The following SLC25A27 variants were observed in gnomAD, a reference collection of about 807,000 sequenced individuals.
The protein encoded by SLC25A27 is mitochondrial uncoupling protein 4.
Under a neutral mutation model 49.1 loss-of-function variants are expected in SLC25A27, and 35 were observed. The observed-to-expected ratio is 0.71, with a 90% CI of 0.54 to 0.95. The LOEUF is 0.95. Among genes scored for constraint, SLC25A27 ranks in the 40% least tolerant of loss-of-function variants. The pLI, the probability that SLC25A27 is intolerant of heterozygous loss-of-function variation, is 0.00. For synonymous variants in SLC25A27, 144 were observed against 136.9 expected, an observed-to-expected ratio of 1.05 and a Z score of -0.36; for missense variants, 339 against 397.1, an observed-to-expected ratio of 0.85 and a Z score of 1.24.
At chr6:46,665,956 A>T (rs1212300981) in intron 5 of SLC25A27, among the ~76,000 whole-genome samples, 1 of 152,240 alleles carries the variant, frequency 6.6e-6, no homozygotes, top group Non-Finnish European at 1.5e-5. Flanking sequence ...AATGTGACTT[A>T]GAAGATCTGC....
rs141838894 is a variant in SLC25A27 at position 46,667,097 on chromosome 6, T to C, written c.620-1612T>C. ...GCCTTTGAAACTGATTTTATCAAGA[T>C]TACCTTTGCTACTACCTTATTTTTT... On this transcript the variant is annotated intron_variant, in intron 5 of 8. Transcript: ENST00000371347. 5.9e-5 allele frequency among the ~76,000 whole-genome samples: 9 copies of C among 152,312 alleles called. No homozygotes were observed. The East Asian group carries it at 1.7e-3, about 29-fold the overall frequency.
Position 46,676,491 on chromosome 6 carries a change from AGTATTATTGAAATATG to A in SLC25A27, c.*39_*54del. 1 of 1,612,274 alleles carries A rather than the reference AGTATTATTGAAATATG, an allele frequency of 6.2e-7. No individual in the cohort carries two copies. The highest frequency in any genetic ancestry group is 8.5e-7 in the Non-Finnish European group (1 of 1,178,696). ...TGCAACCCTTAAAGATACAGTGTTC[AGTATTATTGAAATATG>A]GGCATCTGCAACACATACCCCCTAT... On this transcript the variant is annotated 3_prime_UTR_variant, in exon 9 of 9. Coordinates refer to ENST00000371347, the MANE Select transcript of SLC25A27 (RefSeq NM_004277.5).
chr6:46,664,920 T>A, intron 5 of SLC25A27, 34 bp downstream of exon 5: 1 of 1,084,180 alleles, frequency 9.2e-7, no homozygotes, highest in Non-Finnish European at 1.4e-6. Flanking sequence ...TAAAAAGTCC[T>A]AATTGCCTTA....
At chr6:46,674,428 T>A (rs1445555517) in intron 8 of SLC25A27, among the ~76,000 whole-genome samples, 1 of 152,086 alleles carries the variant, frequency 6.6e-6, no homozygotes, top group East Asian at 1.9e-4. Context: ...ATATACTGAT[T>A]TGCTCAACAT....
chr6:46,664,899 T>C lies in SLC25A27; in HGVS notation c.619+13T>C. On this transcript the variant is annotated intron_variant, in intron 5 of 8. Transcript: ENST00000371347. ...GTGAATATGGGAGGTAATGAAAACT[T>C]TGTTAAATTCTAAAAAGTCCTAATT... 1 of 1,449,276 alleles carries C rather than the reference T, an allele frequency of 6.9e-7. No individual in the cohort carries two copies. Among genetic ancestry groups the C allele is most frequent in the South Asian group, 1.3e-5 (1 of 77,040 alleles). The allele number at this position is 1,449,276 out of a possible 1,614,324, so 89.8% of individuals were successfully genotyped here. A position where few individuals can be genotyped will look rare whatever the true frequency, so the allele number is the denominator to read the frequency against.
rs1430873585 is a variant in SLC25A27 at position 46,677,021 on chromosome 6, G to C, written c.*567G>C. ...TGAGTTTCCCTAGTGTTGAAGGAAG[G>C]TGTACTTTTTCTTGTCAGAAAGATA... On this transcript the variant is annotated 3_prime_UTR_variant, in exon 9 of 9. Coordinates refer to ENST00000371347, the MANE Select transcript of SLC25A27 (RefSeq NM_004277.5). 8.0e-6 allele frequency: 2 copies of C among 248,922 alleles called. No homozygotes were observed. The highest frequency in any genetic ancestry group is 1.1e-4 in the South Asian group (1 of 9,148). The allele number at this position is 248,922 out of a possible 1,614,324, so 15.4% of individuals were successfully genotyped here.
intron 8 of SLC25A27, among the ~76,000 whole-genome samples, chr6:46,675,107 C>T (rs1330774832): frequency 6.6e-6 from 1 of 152,150 alleles, no homozygotes; most frequent in African/African-American, 2.4e-5. Flanking sequence ...GCTATATGAT[C>T]TCCCACTCTT....
At position 46,676,834 on chromosome 6, in the gene SLC25A27, G is replaced by A. The variant is rs1029736671; in HGVS notation, c.*380G>A. ...CCAGCATTTCAGATCTGAAGTAGAC[G>A]ATAGGAATGTGGAAGAACACATACA... On this transcript the variant is annotated 3_prime_UTR_variant, in exon 9 of 9. Transcript: ENST00000371347. 20 of 678,540 alleles carry A rather than the reference G, an allele frequency of 2.9e-5. No homozygotes were observed. The Admixed American group carries it at 3.9e-4, about 13-fold the overall frequency. The allele number at this position is 678,540 out of a possible 1,614,324, so 42.0% of individuals were successfully genotyped here.
intron 5 of SLC25A27, 98 bp downstream of exon 5, chr6:46,664,984 A>G: frequency 1.8e-6 from 1 of 555,434 alleles, no homozygotes; most frequent in Non-Finnish European, 3.1e-6. Context: ...TATTTTTAAT[A>G]TATTGGTGAC....
rs759593138 is a variant in SLC25A27 at position 46,655,964 on chromosome 6, A to G, written c.228A>G (p.Leu76=). 3 of 1,613,434 alleles carry G rather than the reference A, an allele frequency of 1.9e-6. No homozygotes were observed. ...APYRGMVRTA[L]GIIEEEGFLK... ...ATAGGGGAATGGTGCGCACAGCTCTAGGGATCATTGAAGAGGAAGGCTTTC... is the reference window on the plus strand; with the variant it reads ...ATAGGGGAATGGTGCGCACAGCTCTGGGGATCATTGAAGAGGAAGGCTTTC... Residue 76 remains leucine (L), a synonymous_variant, in exon 2 of 9, where the codon CTA becomes CTG. Coordinates refer to ENST00000371347, the MANE Select transcript of SLC25A27 (RefSeq NM_004277.5).
At chr6:46,668,879 G>A in intron 6 of SLC25A27, 86 bp downstream of exon 6, 2 of 787,328 alleles carry the variant, frequency 2.5e-6, no homozygotes, top group South Asian at 3.1e-5. Context: ...AGGCTCATTT[G>A]ATTGGGATTG....
intron 3 of SLC25A27, among the ~76,000 whole-genome samples, chr6:46,660,915 A>T (rs1458946710): frequency 6.6e-6 from 1 of 152,226 alleles, no homozygotes; most frequent in African/African-American, 2.4e-5. Flanking sequence ...CAAAGGAAAT[A>T]TTATACCAGA....
Position 46,653,090 on chromosome 6 carries a change from C to G in SLC25A27, c.-103C>G. ...GAGGGAAATGGTCCTCACCCGGCCA[C>G]TCGCCGGTTGAAAAGGGGCCGCCCT... On this transcript the variant is annotated 5_prime_UTR_variant, in exon 1 of 9. Transcript: ENST00000371347. 8.9e-7 allele frequency: 1 copy of G among 1,121,664 alleles called. No individual in the cohort carries two copies. The highest frequency in any genetic ancestry group is 1.3e-6 in the Non-Finnish European group (1 of 763,690). 69.5% of individuals were successfully genotyped at this position (1,121,664 alleles called of 1,614,324 possible). A position where few individuals can be genotyped will look rare whatever the true frequency, so the allele number is the denominator to read the frequency against.
chr6:46,671,416 G>C (rs150237960), intron 8 of SLC25A27, among the ~76,000 whole-genome samples, 188 bp downstream of exon 8: 1 of 151,774 alleles, frequency 6.6e-6, no homozygotes, highest in East Asian at 1.9e-4. Context: ...GCCTTCTGTG[G>C]TAGAGTAAGG....
chr6:46,674,402 G>C (rs545929093), intron 8 of SLC25A27, among the ~76,000 whole-genome samples: 4 of 152,044 alleles, frequency 2.6e-5, no homozygotes, highest in Non-Finnish European at 4.4e-5. Flanking sequence ...AAAACCCTAC[G>C]CTCCTTACTG....
chr6:46,665,749 A>G (rs1441446155), intron 5 of SLC25A27, among the ~76,000 whole-genome samples: 1 of 152,086 alleles, frequency 6.6e-6, no homozygotes, highest in Non-Finnish European at 1.5e-5. Context: ...TAAAATGACC[A>G]TTTCTACACC....
At chr6:46,667,299 A>C in intron 5 of SLC25A27, among the ~76,000 whole-genome samples, 1 of 152,136 alleles carries the variant, frequency 6.6e-6, no homozygotes, top group East Asian at 1.9e-4. Context: ...AGGGCTCCAC[A>C]ACTCCCTAAT....
At position 46,668,700 on chromosome 6, in the gene SLC25A27, C is replaced by T. The variant is rs1562040389; in HGVS notation, c.620-9C>T. The T allele has an allele frequency of 4.5e-6, 7 of 1,549,270 alleles. No homozygotes were observed. Among genetic ancestry groups the T allele is most frequent in the Non-Finnish European group, 5.3e-6 (6 of 1,123,124 alleles). On this transcript the variant is annotated splice_polypyrimidine_tract_variant and intron_variant, in intron 5 of 8. Transcript: ENST00000371347. ...GACTGATGAATATTTAAACTTTTTCCATTGCCAGATTTAACCACTTATGAT... is the reference window on the plus strand; with the variant it reads ...GACTGATGAATATTTAAACTTTTTCTATTGCCAGATTTAACCACTTATGAT...
Position 46,676,539 on chromosome 6 carries a change from T to C in SLC25A27, c.*85T>C. ...TGCAACACATACCCCCTATTATTTC[T>C]ACCTCTTTAGGAAGACACCTATTCC... On this transcript the variant is annotated 3_prime_UTR_variant, in exon 9 of 9. Transcript: ENST00000371347. 12 of 1,608,350 alleles carry C rather than the reference T, an allele frequency of 7.5e-6. No individual in the cohort carries two copies. Among genetic ancestry groups the C allele is most frequent in the Non-Finnish European group, 1.0e-5 (12 of 1,176,686 alleles).
Sources: gnomAD v4.1 joint callset for allele counts (sites outside exome capture counted in the v4.1 genomes callset) on GRCh38, gnomAD v4.1.1 for gene constraint, MANE v1.5 for transcripts, NCBI Gene and HGNC (gene_info 2026-07-23, HGNC 2026-07-21) for gene names.